Variants in SDK1 observed in about 807,000 individuals in gnomAD.
The protein encoded by SDK1 is sidekick cell adhesion molecule 1.
Under a neutral mutation model 245.5 loss-of-function variants are expected in SDK1, and 157 were observed. The ratio of observed to expected loss-of-function variants is 0.64; its 90% CI spans 0.56 to 0.73. The LOEUF (loss-of-function observed/expected upper bound fraction) is 0.73, where lower values mean the gene tolerates loss of function less well. Ranked by LOEUF, SDK1 falls within the 30% of genes least tolerant of loss-of-function variation. SDK1 has a pLI of 0.00. For missense variants in SDK1, 3,583 were observed against 3,002.3 expected, an observed-to-expected ratio of 1.19 and a Z score of -4.52; for synonymous variants, 1,647 against 1,278.5, an observed-to-expected ratio of 1.29 and a Z score of -6.15.
chr7:3,556,442 G>C (rs188281128), intron 1 of SDK1, among the ~76,000 whole-genome samples: 5 of 152,180 alleles, frequency 3.3e-5, no homozygotes, highest in African/African-American at 1.2e-4. Context: ...GATGGTTAAT[G>C]GGTACAAAAA....
At chr7:3,685,529 G>A (rs536960585) in intron 4 of SDK1, among the ~76,000 whole-genome samples, 84 of 152,058 alleles carry the variant, frequency 5.5e-4, no homozygotes, top group Non-Finnish European at 8.5e-4. Flanking sequence ...ATGTTGGAGC[G>A]CAGAAAAATA....
chr7:3,760,947 T>G (rs1780079567), intron 4 of SDK1, among the ~76,000 whole-genome samples: 1 of 152,212 alleles, frequency 6.6e-6, no homozygotes, highest in Non-Finnish European at 1.5e-5. Flanking sequence ...GAACTCTTCA[T>G]CTGTTGAAGA....
chr7:3,343,806 A>G (rs143219701), intron 1 of SDK1, among the ~76,000 whole-genome samples: 18 of 152,288 alleles, frequency 1.2e-4, no homozygotes, highest in African/African-American at 2.2e-4. Context: ...TAACTCTTCA[A>G]TTGTTAAAGG....
intron 1 of SDK1, among the ~76,000 whole-genome samples, chr7:3,581,052 C>A (rs1268418534): frequency 6.8e-6 from 1 of 146,662 alleles, no homozygotes; most frequent in Non-Finnish European, 1.5e-5. Context: ...TAAGAACTGG[C>A]GTTAATTGTA....
chr7:4,230,148 TGAATG>T (rs1156365066), intron 40 of SDK1, among the ~76,000 whole-genome samples: 7 of 97,288 alleles, frequency 7.2e-5, no homozygotes, highest in Admixed American at 3.2e-4. Context: ...GATGGATAGA[TGAATG>T]GAAGGAAGGA....
chr7:4,266,813 C>A lies in SDK1; in HGVS notation c.*1429C>A, dbSNP rs776901490. ...GTGTGCCCCGGGTCCCTGTAAGTGC[C>A]CCCTCACCAGCAGCAGCGTGACACA... On this transcript the variant is annotated 3_prime_UTR_variant, in exon 45 of 45. Transcript: ENST00000404826. The A allele has an allele frequency of 4.1e-6, 4 of 985,492 alleles. No individual in the cohort carries two copies. The highest frequency in any genetic ancestry group is 4.8e-6 in the Non-Finnish European group (4 of 829,998). 61.0% of individuals were successfully genotyped at this position (985,492 alleles called of 1,614,324 possible). A position where few individuals can be genotyped will look rare whatever the true frequency, so the allele number is the denominator to read the frequency against.
In SDK1 at chr7:3,640,249, A is replaced by G. The variant is rs1423526698; in HGVS notation, c.565+1139A>G. On this transcript the variant is annotated intron_variant, in intron 3 of 44. Transcript: ENST00000404826. The stretch of plus-strand genomic sequence containing the variant: ...ATGTTAAATTACATTTTAATATATC[A>G]TTATAAACTTTAGAGAACAAAAGAG... 2.0e-5 allele frequency among the ~76,000 whole-genome samples: 3 copies of G among 152,346 alleles called. No homozygotes were observed. The East Asian group carries it at 5.8e-4, about 29-fold the overall frequency.
At chr7:3,566,847 G>T (rs577735947) in intron 1 of SDK1, among the ~76,000 whole-genome samples, 32 of 152,122 alleles carry the variant, frequency 2.1e-4, no homozygotes, top group African/African-American at 6.3e-4. Context: ...CATTATTACC[G>T]AGAGAAATAA....
chr7:3,339,890 A>G (rs1267407967), intron 1 of SDK1, among the ~76,000 whole-genome samples: 2 of 152,080 alleles, frequency 1.3e-5, no homozygotes, highest in Non-Finnish European at 2.9e-5. Context: ...AAGAGGAAAA[A>G]GAAAAATCAT....
chr7:3,634,627 T>G (rs980789245), intron 2 of SDK1, among the ~76,000 whole-genome samples: 1 of 152,224 alleles, frequency 6.6e-6, no homozygotes, highest in Non-Finnish European at 1.5e-5. Flanking sequence ...CAGGAAACTT[T>G]GCCTGCTTAA....
chr7:3,608,704 G>A (rs1034601473), intron 1 of SDK1, among the ~76,000 whole-genome samples: 1 of 152,178 alleles, frequency 6.6e-6, no homozygotes, highest in Non-Finnish European at 1.5e-5. Context: ...ACATGTGTAT[G>A]GATAAGATCC....
intron 1 of SDK1, among the ~76,000 whole-genome samples, chr7:3,614,899 C>G (rs1249348914): frequency 1.4e-5 from 2 of 144,016 alleles, no homozygotes; most frequent in African/African-American, 2.5e-5. Flanking sequence ...CTATATGAAA[C>G]CATTCTTTAA....
chr7:3,308,724 ATAT>A (rs1010158062), intron 1 of SDK1, among the ~76,000 whole-genome samples: 2 of 152,134 alleles, frequency 1.3e-5, no homozygotes, highest in Non-Finnish European at 2.9e-5. Context: ...CCTGGGGTCC[ATAT>A]TATTACGTAG....
chr7:3,556,751 G>A (rs557537656), intron 1 of SDK1, among the ~76,000 whole-genome samples: 6 of 152,202 alleles, frequency 3.9e-5, no homozygotes, highest in East Asian at 1.9e-4. Context: ...CCAAGATCAC[G>A]CCACTGCACT....
At chr7:3,578,428 C>T (rs1239704340) in intron 1 of SDK1, among the ~76,000 whole-genome samples, 7 of 152,014 alleles carry the variant, frequency 4.6e-5, no homozygotes, top group African/African-American at 1.7e-4. Flanking sequence ...TTCAGCTGTG[C>T]ACGTATTGTC....
chr7:3,317,602 G>A (rs891300472), intron 1 of SDK1, among the ~76,000 whole-genome samples: 2 of 152,006 alleles, frequency 1.3e-5, no homozygotes, highest in Non-Finnish European at 2.9e-5. Flanking sequence ...TTTAAGTGGC[G>A]TTTTTTCCTT....
intron 44 of SDK1, among the ~76,000 whole-genome samples, chr7:4,254,409 T>G (rs1787506608): frequency 6.6e-6 from 1 of 152,192 alleles, no homozygotes; most frequent in Non-Finnish European, 1.5e-5. Context: ...TGAGCCTATC[T>G]AATGAATTTT....
chr7:4,178,076 T>G (rs1177957139), intron 34 of SDK1, among the ~76,000 whole-genome samples: 1 of 152,216 alleles, frequency 6.6e-6, no homozygotes, highest in Non-Finnish European at 1.5e-5. Flanking sequence ...CAGGCAGTAA[T>G]GCGAGGGATG....
At chr7:3,944,117 G>T (rs892473039) in intron 5 of SDK1, among the ~76,000 whole-genome samples, 3 of 152,232 alleles carry the variant, frequency 2.0e-5, no homozygotes, top group African/African-American at 7.2e-5. Flanking sequence ...AGCACAACCA[G>T]TGTTTTTGTT....
Sources: allele counts gnomAD v4.1 joint callset (sites outside exome capture counted in the v4.1 genomes callset), GRCh38; gene constraint gnomAD v4.1.1; transcripts MANE v1.5; gene names NCBI Gene and HGNC (gene_info 2026-07-23, HGNC 2026-07-21).